NOX4: variants seen among roughly 807,000 people sequenced by gnomAD.
NOX4 encodes the protein NADPH oxidase 4.
NOX4 carries 69 observed loss-of-function variants against 87.6 expected under a neutral mutation model. The ratio of observed to expected loss-of-function variants is 0.79; its 90% CI spans 0.65 to 0.96. The LOEUF (loss-of-function observed/expected upper bound fraction) is 0.96. Ranked by LOEUF, NOX4 falls within the 40% of genes least tolerant of loss-of-function variation. The pLI is 0.00. For synonymous variants in NOX4, 275 were observed against 238.2 expected (o/e 1.15, Z -1.42); for missense variants, 680 against 681.5 (o/e 1.00, Z 0.02).
chr11:89,429,888 A>G (rs1943682530), intron 7 of NOX4, among the ~76,000 whole-genome samples: 1 of 152,224 alleles, frequency 6.6e-6, no homozygotes, highest in African/African-American at 2.4e-5. Flanking sequence ...AAAGCCTGGC[A>G]GAGACACAAC....
chr11:89,333,283 A>ATAAAACAAC (rs1436410803), intron 17 of NOX4, among the ~76,000 whole-genome samples: 1 of 151,866 alleles, frequency 6.6e-6, no homozygotes, highest in African/African-American at 2.4e-5. Flanking sequence ...CAAGAAAAAA[A>ATAAAACAAC]TAAAACAACA....
the NOX4 span, among the ~76,000 whole-genome samples, chr11:89,566,855 G>A: frequency 6.6e-6 from 1 of 152,126 alleles, no homozygotes; most frequent in Non-Finnish European, 1.5e-5. Flanking sequence ...TAGGTGAGAA[G>A]TGGCCCATGG....
At chr11:89,581,662 C>A in the NOX4 span, among the ~76,000 whole-genome samples, 3 of 152,030 alleles carry the variant, frequency 2.0e-5, no homozygotes, top group Non-Finnish European at 4.4e-5. Context: ...GAGACTAAGC[C>A]CCTAATAAAT....
chr11:89,556,603 G>C, the NOX4 span, among the ~76,000 whole-genome samples: 1 of 152,064 alleles, frequency 6.6e-6, no homozygotes, highest in African/African-American at 2.4e-5. Context: ...AATCCATGGG[G>C]AGTTATTTGA....
chr11:89,507,044 T>C, the NOX4 span, among the ~76,000 whole-genome samples: 13 of 152,030 alleles, frequency 8.6e-5, no homozygotes, highest in Admixed American at 4.6e-4. Context: ...AAATCAGACA[T>C]AAAAATATGT....
At chr11:89,509,510 T>G in the NOX4 span, among the ~76,000 whole-genome samples, 1 of 151,992 alleles carries the variant, frequency 6.6e-6, no homozygotes, top group Non-Finnish European at 1.5e-5. Flanking sequence ...TAGATAGAGA[T>G]AAAAGTTGGG....
the NOX4 span, among the ~76,000 whole-genome samples, chr11:89,571,859 G>T: frequency 2.6e-5 from 4 of 152,046 alleles, no homozygotes; most frequent in African/African-American, 7.2e-5. Context: ...GTGGACAAAG[G>T]ACAGACGGAA....
intron 7 of NOX4, among the ~76,000 whole-genome samples, chr11:89,429,097 T>A (rs139021280): frequency 9.5e-4 from 144 of 152,250 alleles, no homozygotes; most frequent in African/African-American, 2.6e-3. Context: ...AACAACCTGC[T>A]CCTGAATGAC....
intron 4 of NOX4, among the ~76,000 whole-genome samples, chr11:89,445,162 T>C (rs895136791): frequency 1.3e-5 from 2 of 152,144 alleles, no homozygotes; most frequent in African/African-American, 4.8e-5. Context: ...AAAATGATGG[T>C]GACAGAAACA....
the NOX4 span, among the ~76,000 whole-genome samples, chr11:89,559,129 A>G: frequency 6.6e-6 from 1 of 152,224 alleles, no homozygotes; most frequent in Non-Finnish European, 1.5e-5. Flanking sequence ...CATATGCTAA[A>G]TGCTGTATTT....
chr11:89,578,254 C>T, the NOX4 span, among the ~76,000 whole-genome samples: 4 of 151,962 alleles, frequency 2.6e-5, no homozygotes, highest in Non-Finnish European at 5.9e-5. Context: ...CTCTGCCTCC[C>T]GGGTTCAAGC....
intron 11 of NOX4, among the ~76,000 whole-genome samples, chr11:89,397,985 A>G (rs1013659260): frequency 2.0e-5 from 3 of 152,182 alleles, no homozygotes; most frequent in African/African-American, 7.2e-5. Flanking sequence ...CACCATCCTG[A>G]TACCAAAGCC....
chr11:89,511,090 T>C, the NOX4 span, among the ~76,000 whole-genome samples: 15 of 152,034 alleles, frequency 9.9e-5, no homozygotes, highest in African/African-American at 3.6e-4. Context: ...TTGGAGTTCT[T>C]ACGAATTTTA....
intron 12 of NOX4, among the ~76,000 whole-genome samples, chr11:89,357,091 G>A (rs1228702071): frequency 1.3e-5 from 2 of 152,128 alleles, no homozygotes; most frequent in African/African-American, 4.8e-5. Flanking sequence ...TGAATAACTA[G>A]ATGTTAAATT....
chr11:89,531,186 G>C, the NOX4 span, among the ~76,000 whole-genome samples: 1 of 152,094 alleles, frequency 6.6e-6, no homozygotes, highest in African/African-American at 2.4e-5. Flanking sequence ...AGATCAAGTT[G>C]ACCCCAGAGG....
At chr11:89,396,617 G>C (rs1403873828) in intron 11 of NOX4, among the ~76,000 whole-genome samples, 2 of 152,050 alleles carry the variant, frequency 1.3e-5, no homozygotes, top group Non-Finnish European at 2.9e-5. Context: ...TAAAGGGAGG[G>C]AGGAAGATCT....
the NOX4 span, among the ~76,000 whole-genome samples, chr11:89,576,336 C>T: frequency 2.0e-5 from 3 of 152,118 alleles, no homozygotes; most frequent in Non-Finnish European, 2.9e-5. Flanking sequence ...ACAAATATAG[C>T]CCTCTCTTTT....
At chr11:89,392,495 G>A (rs1941199853) in intron 11 of NOX4, among the ~76,000 whole-genome samples, 1 of 152,128 alleles carries the variant, frequency 6.6e-6, no homozygotes, top group Non-Finnish European at 1.5e-5. Context: ...ACCAGTATTT[G>A]TTCTCCAAGA....
At chr11:89,497,551 G>C (rs1034005915) in intron 1 of NOX4, among the ~76,000 whole-genome samples, 1 of 152,104 alleles carries the variant, frequency 6.6e-6, no homozygotes, top group African/African-American at 2.4e-5. Flanking sequence ...TTACAGAAAG[G>C]AAATTAAAGC....
Sources: allele counts gnomAD v4.1 joint callset (sites outside exome capture counted in the v4.1 genomes callset), GRCh38; gene constraint gnomAD v4.1.1; transcripts MANE v1.5; gene names NCBI Gene and HGNC (gene_info 2026-07-23, HGNC 2026-07-21).